Variants in WIPF1 observed in about 807,000 individuals in gnomAD.
WIPF1 encodes the protein WAS/WASL-interacting protein family member 1.
A neutral mutation model predicts 35.4 loss-of-function variants in WIPF1; 13 were observed. That is an observed-to-expected ratio of 0.37 (90% CI 0.24 to 0.58). WIPF1 has a LOEUF of 0.58. Ranked by LOEUF, WIPF1 falls within the 20% of genes least tolerant of loss-of-function variation. The pLI is 0.74. For synonymous variants in WIPF1, 267 were observed against 266.3 expected, an observed-to-expected ratio of 1.00 and a Z score of -0.02; for missense variants, 591 against 667.0, an observed-to-expected ratio of 0.89 and a Z score of 1.25.
intron 1 of WIPF1, among the ~76,000 whole-genome samples, chr2:174,627,298 T>C (rs1686870047): frequency 6.6e-6 from 1 of 152,206 alleles, no homozygotes; most frequent in Admixed American, 6.5e-5. Flanking sequence ...TGGAAGATAC[T>C]TAATAAATAA....
At chr2:174,627,828 C>T (rs1346243662) in intron 1 of WIPF1, among the ~76,000 whole-genome samples, 1 of 152,190 alleles carries the variant, frequency 6.6e-6, no homozygotes, top group Non-Finnish European at 1.5e-5. Flanking sequence ...GGATTACATG[C>T]ATGAGACATC....
intron 1 of WIPF1, among the ~76,000 whole-genome samples, chr2:174,679,961 T>C (rs1688214567): frequency 6.6e-6 from 1 of 152,232 alleles, no homozygotes; most frequent in African/African-American, 2.4e-5. Flanking sequence ...GGTGTGAATG[T>C]GCTGATTAAT....
intron 7 of WIPF1, among the ~76,000 whole-genome samples, chr2:174,564,131 C>T (rs142237552): frequency 1.5e-3 from 236 of 152,258 alleles, no homozygotes; most frequent in African/African-American, 5.5e-3. Context: ...TGTCTGGGTG[C>T]GCTCTCAGGC....
At position 174,585,567 on chromosome 2, in the gene WIPF1, C is replaced by G; in HGVS notation, c.7G>C (p.Val3Leu). The G allele has an allele frequency of 6.2e-7, 1 of 1,611,952 alleles. No individual in the cohort carries two copies. The highest frequency in any genetic ancestry group is 1.1e-5 in the South Asian group (1 of 90,862). The part of the protein sequence containing the change: MP[V>L]PPPPAPPPPP... ...GGCGGGGGTGCTGGAGGGGGAGGGA[C>G]AGGCATCTTGGGCAGTTATGCGTTC... The change falls in exon 2 of 8, where the codon GTC (valine) becomes CTC (leucine). Residue 3 changes from valine to leucine, a missense_variant. Val to Leu is a conservative substitution (Grantham distance 32, BLOSUM62 1). This residue lies in a region of WIPF1 where 471 missense variants were observed against 501.1 expected (regional missense o/e 0.94). Transcript: ENST00000679041.
upstream of WIPF1, chr2:174,598,081 A>G (rs987163110): frequency 4.6e-5 from 7 of 152,178 alleles, no homozygotes; most frequent in African/African-American, 1.7e-4. Context: ...CCTTTAGGAA[A>G]ATTATATTTG....
rs139520073 is a variant in WIPF1, at chr2:174,681,838, C to T, written c.-39+936G>A. On this transcript the variant is annotated intron_variant, in intron 1 of 8. Coordinates refer to the WIPF1 transcript ENST00000272746. Reference sequence around the variant, plus strand: ...GGAGCCCGTGGCTGAAGAAGGAATACTCCATCGGGATTTAAGCAGGACCAG... The same window carrying T: ...GGAGCCCGTGGCTGAAGAAGGAATATTCCATCGGGATTTAAGCAGGACCAG... Among the ~76,000 whole-genome samples the T allele has an allele frequency of 4.9e-3, 742 of 152,308 alleles. 4 individuals are homozygous for T. Among genetic ancestry groups the T allele is most frequent in the Middle Eastern group, 0.017 (5 of 294 alleles).
intron 1 of WIPF1, among the ~76,000 whole-genome samples, chr2:174,660,694 G>A (rs968439467): frequency 1.3e-5 from 2 of 152,162 alleles, no homozygotes; most frequent in Non-Finnish European, 2.9e-5. Context: ...GTAAGTGTAT[G>A]AGGGTGGACT....
chr2:174,605,712 T>TG (rs981086035), intron 1 of WIPF1, among the ~76,000 whole-genome samples: 1 of 151,986 alleles, frequency 6.6e-6, no homozygotes, highest in African/African-American at 2.4e-5. Context: ...GGAGGGAAAG[T>TG]GGGTAGGGGT....
chr2:174,565,806 A>G (rs1684640673), intron 7 of WIPF1, among the ~76,000 whole-genome samples: 1 of 152,208 alleles, frequency 6.6e-6, no homozygotes, highest in African/African-American at 2.4e-5. Flanking sequence ...TCTGAGGCTA[A>G]GGCTGCCACG....
In WIPF1 at chr2:174,627,423, T is replaced by C. The variant is rs547459890; in HGVS notation, c.-38-41812A>G. 2.0e-5 allele frequency among the ~76,000 whole-genome samples: 3 copies of C among 152,026 alleles called. No homozygotes were observed. In the South Asian group the frequency reaches 6.3e-4, roughly 32 times the overall value. On this transcript the variant is annotated intron_variant, in intron 1 of 8. Transcript: ENST00000272746. Reference sequence around the variant, plus strand: ...CTTTTCTTTTTCTTTTCTTCTTTCCTTCTTTCTTTCCTTTCTCTTTCTTTC... The same window carrying C: ...CTTTTCTTTTTCTTTTCTTCTTTCCCTCTTTCTTTCCTTTCTCTTTCTTTC...
chr2:174,666,452 G>A (rs1204109721), intron 1 of WIPF1, among the ~76,000 whole-genome samples: 1 of 152,190 alleles, frequency 6.6e-6, no homozygotes, highest in Non-Finnish European at 1.5e-5. Context: ...AAAAAAGGAG[G>A]AACTCACTGG....
At chr2:174,568,544 A>G (rs1684737597) in intron 5 of WIPF1, 1 of 154,704 alleles carries the variant, frequency 6.5e-6, no homozygotes, top group African/African-American at 2.4e-5. Context: ...TAATTACAGA[A>G]GCATGTTTCT....
chr2:174,578,962 A>G (rs183711174), intron 3 of WIPF1, among the ~76,000 whole-genome samples: 41 of 152,358 alleles, frequency 2.7e-4, no homozygotes, highest in African/African-American at 9.4e-4. Flanking sequence ...ACACGTTTAC[A>G]TGGTACTGAA....
chr2:174,651,900 ACT>A (rs1687540802), intron 1 of WIPF1, among the ~76,000 whole-genome samples: 2 of 152,190 alleles, frequency 1.3e-5, no homozygotes, highest in Non-Finnish European at 2.9e-5. Flanking sequence ...GGGCTAGAAC[ACT>A]GGAGCTGGAC....
intron 1 of WIPF1, among the ~76,000 whole-genome samples, chr2:174,676,051 G>A (rs958921385): frequency 1.1e-4 from 17 of 150,578 alleles, no homozygotes; most frequent in Admixed American, 7.9e-4. Flanking sequence ...AGGCACAAGC[G>A]ATCCTCCCAC....
Position 174,622,087 on chromosome 2 carries a change from T to G in WIPF1, c.-38-36476A>C, listed in dbSNP as rs1287853980. On this transcript the variant is annotated intron_variant, in intron 1 of 8. Coordinates refer to the WIPF1 transcript ENST00000272746. This position sits in a 1 kb window ranked among gnomAD's most constrained non-coding sequence, Gnocchi z 5.1. ...GGAGACATGAAGCATAGAAAATCAT[T>G]TCCTCTAAATGTTGCCTTTTAGGTT... 6.6e-6 allele frequency among the ~76,000 whole-genome samples: 1 copy of G among 152,170 alleles called. No individual in the cohort carries two copies. Among genetic ancestry groups the G allele is most frequent in the Non-Finnish European group, 1.5e-5 (1 of 68,032 alleles).
chr2:174,565,446 T>A (rs1362533915), intron 7 of WIPF1, among the ~76,000 whole-genome samples: 1 of 152,214 alleles, frequency 6.6e-6, no homozygotes, highest in African/African-American at 2.4e-5. Context: ...TTAATTCCAT[T>A]TAACCCAATA....
At chr2:174,612,038 G>A (rs1686363837) in intron 1 of WIPF1, among the ~76,000 whole-genome samples, 1 of 152,120 alleles carries the variant, frequency 6.6e-6, no homozygotes, top group Non-Finnish European at 1.5e-5. Context: ...ACAGGTGCAT[G>A]CTGCCTCGCT....
At chr2:174,595,888 T>G (rs1402392214) in intron 1 of WIPF1, among the ~76,000 whole-genome samples, 1 of 152,132 alleles carries the variant, frequency 6.6e-6, no homozygotes, top group Non-Finnish European at 1.5e-5. Flanking sequence ...ACAAAATGAG[T>G]CAAACCTTAA....
Sources: gnomAD v4.1 joint callset for allele counts (sites outside exome capture counted in the v4.1 genomes callset) on GRCh38, gnomAD v4.1.1 for gene constraint, gnomAD v4.1.1 regional missense constraint, Gnocchi (gnomAD v3.1) non-coding constraint, MANE v1.5 for transcripts, NCBI Gene and HGNC (gene_info 2026-07-23, HGNC 2026-07-21) for gene names.